The following KCNIP4 variants were observed in gnomAD, a reference collection of about 807,000 sequenced individuals.
KCNIP4 encodes the protein Kv channel-interacting protein 4.
In KCNIP4, 12 loss-of-function variants were observed where a neutral mutation model predicts 34.0. That is an observed-to-expected ratio of 0.35 (90% CI 0.23 to 0.57). KCNIP4 has a LOEUF of 0.57. Among genes scored for constraint, KCNIP4 ranks in the 20% least tolerant of loss-of-function variants. KCNIP4 has a pLI of 0.83. For missense variants in KCNIP4, 238 were observed against 311.7 expected (o/e 0.76, Z 1.78); for synonymous variants, 124 against 102.2 (o/e 1.21, Z -1.29).
chr4:21,128,225 C>G (rs922590840), intron 1 of KCNIP4, among the ~76,000 whole-genome samples: 4 of 152,142 alleles, frequency 2.6e-5, no homozygotes, highest in African/African-American at 9.7e-5. Context: ...AAGGGAAAGT[C>G]AAGGGAAGAA....
chr4:21,901,302 C>T (rs1403151174), intron 1 of KCNIP4, among the ~76,000 whole-genome samples: 1 of 152,238 alleles, frequency 6.6e-6, no homozygotes, highest in African/African-American at 2.4e-5. Context: ...AGCAGACCCA[C>T]TATTAGTTGG....
chr4:21,366,177 T>G (rs1225214924), intron 1 of KCNIP4, among the ~76,000 whole-genome samples: 1 of 152,158 alleles, frequency 6.6e-6, no homozygotes, highest in East Asian at 1.9e-4. Context: ...ACGCTACCGG[T>G]GAATATGTGG....
chr4:21,320,179 A>C (rs1178226004), intron 1 of KCNIP4, among the ~76,000 whole-genome samples: 1 of 152,218 alleles, frequency 6.6e-6, no homozygotes, highest in Non-Finnish European at 1.5e-5. Flanking sequence ...CACAACAACA[A>C]ACACAATTTC....
In KCNIP4 at chr4:21,219,637, G is replaced by A. The variant is rs79480025; in HGVS notation, c.62-336928C>T. On this transcript the variant is annotated intron_variant, in intron 1 of 8. Coordinates refer to ENST00000382152, the MANE Select transcript of KCNIP4 (RefSeq NM_025221.6). ...CTGGTTGAGAGAAGAAAGGGGACACGATTAAATTGTAAGGAGACCTCAGAG... is the reference window on the plus strand; with the variant it reads ...CTGGTTGAGAGAAGAAAGGGGACACAATTAAATTGTAAGGAGACCTCAGAG... 5.9e-3 allele frequency among the ~76,000 whole-genome samples: 904 copies of A among 152,200 alleles called. 7 individuals are homozygous for A. Among genetic ancestry groups the A allele is most frequent in the Non-Finnish European group, 9.5e-3 (643 of 68,008 alleles).
chr4:21,555,783 C>T (rs1738958419), intron 1 of KCNIP4, among the ~76,000 whole-genome samples: 1 of 152,076 alleles, frequency 6.6e-6, no homozygotes, highest in Non-Finnish European at 1.5e-5. Context: ...GTGAGAGTCT[C>T]TTGTCACACA....
chr4:21,933,051 C>T lies in KCNIP4; in HGVS notation c.61+15520G>A, dbSNP rs200611407. ...AGCAAAGCAGAAAAGAAAAGGTAAACGAAAAAAAAAAAAAAACAGAACACC... is the reference window on the plus strand; with the variant it reads ...AGCAAAGCAGAAAAGAAAAGGTAAATGAAAAAAAAAAAAAAACAGAACACC... On this transcript the variant is annotated intron_variant, in intron 1 of 8. Transcript: ENST00000382152. Among the ~76,000 whole-genome samples the T allele has an allele frequency of 2.9e-4, 16 of 55,178 alleles. 1 individual carries two copies. Among genetic ancestry groups the T allele is most frequent in the East Asian group, 1.0e-3 (1 of 958 alleles). The allele number at this position is 55,178 out of a possible 152,430, so 36.2% of individuals were successfully genotyped here.
chr4:21,862,395 G>A (rs1402680416), intron 1 of KCNIP4, among the ~76,000 whole-genome samples: 1 of 152,110 alleles, frequency 6.6e-6, no homozygotes, highest in East Asian at 1.9e-4. Context: ...AAAATTCTCT[G>A]TTCTAAGGGA....
At chr4:20,756,976 A>G (rs1754526854) in intron 4 of KCNIP4, among the ~76,000 whole-genome samples, 1 of 151,858 alleles carries the variant, frequency 6.6e-6, no homozygotes, top group Admixed American at 6.6e-5. Flanking sequence ...ATAATTCTCA[A>G]ATCTCTATCT....
At chr4:21,412,192 T>C (rs2109592282) in intron 1 of KCNIP4, among the ~76,000 whole-genome samples, 1 of 152,302 alleles carries the variant, frequency 6.6e-6, no homozygotes, top group Middle Eastern at 3.4e-3. Flanking sequence ...CTTTGACAGC[T>C]GCTTATCATA....
intron 1 of KCNIP4, among the ~76,000 whole-genome samples, chr4:21,360,359 C>G (rs1296707838): frequency 6.6e-6 from 1 of 151,906 alleles, no homozygotes; most frequent in Admixed American, 6.6e-5. Flanking sequence ...TCCAAACCAA[C>G]AGCGACAAAA....
intron 1 of KCNIP4, among the ~76,000 whole-genome samples, chr4:20,985,947 A>C (rs911520949): frequency 2.0e-5 from 3 of 152,168 alleles, no homozygotes; most frequent in Non-Finnish European, 4.4e-5. Context: ...GACCTTGAAG[A>C]ATACACTCCG....
At chr4:20,882,544 T>A in intron 2 of KCNIP4, 64 bp downstream of exon 2, 4 of 1,115,750 alleles carry the variant, frequency 3.6e-6, no homozygotes, top group Admixed American at 3.7e-5. Context: ...CGGCAATGCA[T>A]GCAGGCCTAA....
intron 1 of KCNIP4, among the ~76,000 whole-genome samples, chr4:21,142,461 T>A (rs1259005142): frequency 2.6e-5 from 4 of 152,184 alleles, no homozygotes; most frequent in Non-Finnish European, 5.9e-5. Context: ...GACAGGCTTA[T>A]GGCTATTCTT....
chr4:20,807,857 A>G (rs1053284516), intron 3 of KCNIP4, among the ~76,000 whole-genome samples: 4 of 152,198 alleles, frequency 2.6e-5, no homozygotes, highest in Admixed American at 1.3e-4. Flanking sequence ...GGATTGTCAT[A>G]AAGAAGACAC....
intron 1 of KCNIP4, among the ~76,000 whole-genome samples, chr4:21,879,094 T>C (rs1410333449): frequency 1.3e-5 from 2 of 152,302 alleles, no homozygotes; most frequent in East Asian, 3.9e-4. Context: ...ATTATGATTA[T>C]AGACAGTAGC....
chr4:21,923,705 C>T (rs1261209107), intron 1 of KCNIP4, among the ~76,000 whole-genome samples: 9 of 152,180 alleles, frequency 5.9e-5, no homozygotes, highest in South Asian at 2.1e-4. Flanking sequence ...TCTAGCCCAC[C>T]GTGGGCTCAT....
At chr4:21,367,841 G>T (rs1719937524) in intron 1 of KCNIP4, among the ~76,000 whole-genome samples, 1 of 147,662 alleles carries the variant, frequency 6.8e-6, no homozygotes, top group Admixed American at 6.6e-5. Context: ...TCTCTGGGAA[G>T]GATTTGCAAT....
In KCNIP4 at chr4:21,838,483, T is replaced by C. The variant is rs115372379; in HGVS notation, c.61+110088A>G. On this transcript the variant is annotated intron_variant, in intron 1 of 8. Transcript: ENST00000382152. ...ATGGAGAACCTTTCCACCCCAGTCA[T>C]AGAAGAATGAAATAACTTCCTTAGT... 7.1e-3 allele frequency among the ~76,000 whole-genome samples: 1,083 copies of C among 152,318 alleles called. 13 individuals carry two copies. Among genetic ancestry groups the C allele is most frequent in the African/African-American group, 0.025 (1,029 of 41,574 alleles).
At chr4:20,960,233 T>A (rs1021811563) in intron 1 of KCNIP4, among the ~76,000 whole-genome samples, 1 of 152,170 alleles carries the variant, frequency 6.6e-6, no homozygotes, top group Non-Finnish European at 1.5e-5. Context: ...TCCCCTTATT[T>A]TCTTAAAGTA....
Sources: allele counts gnomAD v4.1 joint callset (sites outside exome capture counted in the v4.1 genomes callset), GRCh38; gene constraint gnomAD v4.1.1; transcripts MANE v1.5; gene names NCBI Gene and HGNC (gene_info 2026-07-23, HGNC 2026-07-21).